ABCC4: variants seen among roughly 807,000 people sequenced by gnomAD.
The protein encoded by ABCC4 is ATP-binding cassette sub-family C member 4.
A neutral mutation model predicts 168.5 loss-of-function variants in ABCC4; 102 were observed. The observed-to-expected ratio is 0.61, with a 90% CI of 0.52 to 0.71. ABCC4 has a LOEUF of 0.71. Ranked by LOEUF, ABCC4 falls within the 30% of genes least tolerant of loss-of-function variation. The pLI, the probability that ABCC4 is intolerant of heterozygous loss-of-function variation, is 0.00. For missense variants in ABCC4, 1,402 were observed against 1,605.8 expected, an observed-to-expected ratio of 0.87 and a Z score of 2.17; for synonymous variants, 617 against 590.7, an observed-to-expected ratio of 1.04 and a Z score of -0.65.
intron 1 of ABCC4, among the ~76,000 whole-genome samples, chr13:95,281,299 C>CAAAAAAAAAAAA (rs10541756): frequency 2.1e-5 from 1 of 48,708 alleles, no homozygotes; most frequent in Non-Finnish European, 3.6e-5. Flanking sequence ...GAGACTCTCT[C>CAAAAAAAAAAAA]AAAAAAAAAA....
intron 19 of ABCC4, among the ~76,000 whole-genome samples, chr13:95,131,259 C>G (rs1165636239): frequency 1.3e-5 from 2 of 152,026 alleles, no homozygotes; most frequent in East Asian, 3.9e-4. Flanking sequence ...GGAAGCATGC[C>G]AAGGAAAGGC....
intron 20 of ABCC4, chr13:95,095,905 C>T: frequency 2.7e-6 from 1 of 367,870 alleles, no homozygotes; most frequent in Non-Finnish European, 4.8e-6. Flanking sequence ...AAAACAAAAA[C>T]CCAGAGTACT....
intron 20 of ABCC4, among the ~76,000 whole-genome samples, chr13:95,111,231 C>T (rs981665070): frequency 3.9e-5 from 6 of 152,150 alleles, no homozygotes; most frequent in Non-Finnish European, 7.3e-5. Context: ...TCATAAATGA[C>T]TTGGCTTTAG....
intron 4 of ABCC4, among the ~76,000 whole-genome samples, chr13:95,214,828 G>C (rs2039064916): frequency 6.9e-6 from 1 of 144,334 alleles, no homozygotes; most frequent in African/African-American, 2.6e-5. Context: ...AGAGGTTGCA[G>C]TGAGCCGAGA....
chr13:95,055,677 GT>G (rs1304511191), intron 26 of ABCC4: 2 of 152,182 alleles, frequency 1.3e-5, no homozygotes, highest in Non-Finnish European at 2.9e-5. Context: ...GTGGTCAGAA[GT>G]TCAAGACCAG....
intron 19 of ABCC4, among the ~76,000 whole-genome samples, chr13:95,139,045 C>T (rs536789697): frequency 6.2e-4 from 95 of 152,350 alleles, no homozygotes; most frequent in Non-Finnish European, 1.1e-3. Flanking sequence ...TCTCCTTCCA[C>T]GGAGCCAATC....
chr13:95,079,896 G>A (rs1011748600), intron 21 of ABCC4, among the ~76,000 whole-genome samples: 17 of 152,174 alleles, frequency 1.1e-4, no homozygotes, highest in African/African-American at 1.7e-4. Flanking sequence ...AGTAAGCCAT[G>A]CAAGTGGTAG....
At chr13:95,205,752 G>A (rs891729179) in intron 8 of ABCC4, among the ~76,000 whole-genome samples, 3 of 152,194 alleles carry the variant, frequency 2.0e-5, no homozygotes, top group Non-Finnish European at 2.9e-5. Flanking sequence ...TGATCAGGTC[G>A]CTACGGCAGA....
chr13:95,051,809 G>A (rs2032849262), intron 27 of ABCC4, among the ~76,000 whole-genome samples: 1 of 151,406 alleles, frequency 6.6e-6, no homozygotes, highest in East Asian at 2.0e-4. Flanking sequence ...TGGGGCTACA[G>A]ATGCGCACCA....
At chr13:95,210,919 C>T (rs2038937571) in intron 4 of ABCC4, 138 bp from the exon 5 acceptor site, 1 of 594,582 alleles carries the variant, frequency 1.7e-6, no homozygotes, top group South Asian at 2.2e-5. Context: ...CCCCACTGCC[C>T]CCTCTCTCTG....
At chr13:95,133,923 A>T (rs2036058527) in intron 19 of ABCC4, among the ~76,000 whole-genome samples, 1 of 152,208 alleles carries the variant, frequency 6.6e-6, no homozygotes, top group African/African-American at 2.4e-5. Flanking sequence ...AATATTCTTG[A>T]TCCCCACTTT....
At chr13:95,042,233 A>T (rs1438819992) in intron 29 of ABCC4, among the ~76,000 whole-genome samples, 1 of 152,162 alleles carries the variant, frequency 6.6e-6, no homozygotes, top group Non-Finnish European at 1.5e-5. Flanking sequence ...CAGGTCCCAA[A>T]CAGAGAAACC....
At position 95,207,893 on chromosome 13, in the gene ABCC4, A is replaced by C. The variant is rs781004259; in HGVS notation, c.818T>G (p.Ile273Ser). 2.5e-6 allele frequency: 4 copies of C among 1,613,762 alleles called. No homozygotes were observed. Among genetic ancestry groups the C allele is most frequent in the Middle Eastern group, 1.7e-4 (1 of 6,060 alleles). Residue 273 changes from isoleucine to serine, a missense_variant, in exon 7 of 31, where the codon ATC becomes AGC. Physicochemically the swap from Ile to Ser is moderately radical, Grantham distance 142. Coordinates refer to ENST00000645237, the MANE Select transcript of ABCC4 (RefSeq NM_005845.5). ...SKTATFTDARIRTMNEVITGI... is the reference protein window; with the variant it reads ...SKTATFTDARSRTMNEVITGI... ...AGTTATAACTTCATTCATGGTCCTG[A>C]TCCTGGCATCCGTGAAAGTTGCAGT...
At chr13:95,127,062 T>A (rs913262979) in intron 19 of ABCC4, among the ~76,000 whole-genome samples, 4 of 151,594 alleles carry the variant, frequency 2.6e-5, no homozygotes, top group Non-Finnish European at 5.9e-5. Flanking sequence ...AGTCAAACCA[T>A]CATCTTCATC....
intron 7 of ABCC4, among the ~76,000 whole-genome samples, chr13:95,207,108 A>C (rs2038805190): frequency 1.3e-5 from 2 of 152,220 alleles, no homozygotes. Flanking sequence ...AGCTCACTGC[A>C]ACCTCCGCCT....
chr13:95,191,940 G>A (rs1190109007), intron 9 of ABCC4, among the ~76,000 whole-genome samples: 4 of 152,348 alleles, frequency 2.6e-5, no homozygotes, highest in South Asian at 2.1e-4. Flanking sequence ...CCAGAAGGGG[G>A]CAGCACTCGA....
At chr13:95,268,142 G>GTAA (rs529293747) in intron 1 of ABCC4, among the ~76,000 whole-genome samples, 242 of 152,272 alleles carry the variant, frequency 1.6e-3, no homozygotes, top group African/African-American at 5.6e-3. Context: ...CTGTTAATCT[G>GTAA]TAACCCTACC....
At chr13:95,024,809 T>C (rs1593955148) in intron 30 of ABCC4, among the ~76,000 whole-genome samples, 1 of 152,176 alleles carries the variant, frequency 6.6e-6, no homozygotes, top group East Asian at 1.9e-4. Flanking sequence ...TTCCTCTCCT[T>C]TTCCTTTCAG....
chr13:95,124,903 AAATAAT>A (rs1218297811), intron 19 of ABCC4, among the ~76,000 whole-genome samples: 1 of 151,292 alleles, frequency 6.6e-6, no homozygotes, highest in Non-Finnish European at 1.5e-5. Flanking sequence ...TAAAATAAAA[AAATAAT>A]AATAATATAA....
Sources: gnomAD v4.1 joint callset for allele counts (sites outside exome capture counted in the v4.1 genomes callset) on GRCh38, gnomAD v4.1.1 for gene constraint, MANE v1.5 for transcripts, NCBI Gene and HGNC (gene_info 2026-07-23, HGNC 2026-07-21) for gene names.